The following ADAMTSL3 variants were observed in gnomAD, a reference collection of about 807,000 sequenced individuals.
The protein encoded by ADAMTSL3 is ADAMTS like 3.
A neutral mutation model predicts 201.7 loss-of-function variants in ADAMTSL3; 128 were observed. That is an observed-to-expected ratio of 0.63 (90% confidence interval 0.55 to 0.73). The LOEUF (loss-of-function observed/expected upper bound fraction) is 0.73, where lower values mean the gene tolerates loss of function less well. Among genes scored for constraint, ADAMTSL3 ranks in the 30% least tolerant of loss-of-function variants. The pLI is 0.00. For synonymous variants in ADAMTSL3, 738 were observed against 748.4 expected (o/e 0.99, Z 0.23); for missense variants, 1,990 against 2,119.6 (o/e 0.94, Z 1.20).
intron 16 of ADAMTSL3, among the ~76,000 whole-genome samples, chr15:83,920,770 C>G (rs2066127281): frequency 6.6e-6 from 1 of 152,142 alleles, no homozygotes; most frequent in South Asian, 2.1e-4. Flanking sequence ...GTGAGATGAA[C>G]TGGCATTTTC....
chr15:84,004,796 T>G (rs1303371993), intron 23 of ADAMTSL3, among the ~76,000 whole-genome samples: 1 of 152,144 alleles, frequency 6.6e-6, no homozygotes, highest in Non-Finnish European at 1.5e-5. Context: ...TCTTTAAGAA[T>G]GAGGAGAAAT....
At chr15:83,883,138 ATT>A (rs2065308637) in intron 9 of ADAMTSL3, among the ~76,000 whole-genome samples, 1 of 138,210 alleles carries the variant, frequency 7.2e-6, no homozygotes, top group Non-Finnish European at 1.5e-5. Context: ...TTATAATACT[ATT>A]TCTATTTTAT....
intron 28 of ADAMTSL3, 58 bp from the exon 29 acceptor site, chr15:84,036,715 G>T (rs2141950943): frequency 1.4e-6 from 2 of 1,431,646 alleles, no homozygotes; most frequent in East Asian, 2.4e-5. Flanking sequence ...CCAGCAAAAA[G>T]TTACACCCTG....
intron 2 of ADAMTSL3, among the ~76,000 whole-genome samples, chr15:83,660,764 G>T (rs893760549): frequency 6.6e-6 from 1 of 152,108 alleles, no homozygotes; most frequent in Admixed American, 6.5e-5. Flanking sequence ...TTCTTTTGCC[G>T]TGCAGAAGCT....
At chr15:83,786,037 T>A (rs1028556672) in intron 4 of ADAMTSL3, among the ~76,000 whole-genome samples, 2 of 152,156 alleles carry the variant, frequency 1.3e-5, no homozygotes, top group African/African-American at 4.8e-5. Flanking sequence ...AGATGGGGTT[T>A]CACCATGTTG....
At chr15:83,823,879 CCTTCTTCTTCTT>C (rs773566331) in intron 6 of ADAMTSL3, among the ~76,000 whole-genome samples, 1 of 141,578 alleles carries the variant, frequency 7.1e-6, no homozygotes, top group African/African-American at 2.8e-5. Context: ...GACTCCATTT[CCTTCTTCTTCTT>C]CCTCTTCTTC....
intron 20 of ADAMTSL3, among the ~76,000 whole-genome samples, chr15:83,978,178 C>T (rs752132383): frequency 6.6e-6 from 1 of 152,152 alleles, no homozygotes; most frequent in Non-Finnish European, 1.5e-5. Flanking sequence ...TGGCCTGGCA[C>T]CAGGACTTGA....
Position 83,654,346 on chromosome 15 carries a change from A to C in ADAMTSL3, c.-34+70A>C, listed in dbSNP as rs2061046874. On this transcript the variant is annotated intron_variant, in intron 1 of 29. Coordinates refer to ENST00000286744, the MANE Select transcript of ADAMTSL3 (RefSeq NM_207517.3). This position sits in a 1 kb window ranked among gnomAD's most constrained non-coding sequence, Gnocchi z 5.3. ...GGGAAGGCGCTCCCCAGAGGGAGTAAGACTTGGAGCAGTGGCCTCTCTAAG... is the reference window on the plus strand; with the variant it reads ...GGGAAGGCGCTCCCCAGAGGGAGTACGACTTGGAGCAGTGGCCTCTCTAAG... The C allele has an allele frequency of 6.6e-6, 1 of 152,352 alleles. No individual in the cohort carries two copies. Among genetic ancestry groups the C allele is most frequent in the African/African-American group, 2.4e-5 (1 of 41,372 alleles). 9.4% of individuals were successfully genotyped at this position (152,352 alleles called of 1,614,324 possible).
intron 15 of ADAMTSL3, among the ~76,000 whole-genome samples, chr15:83,903,441 A>T (rs563700013): frequency 6.6e-6 from 1 of 151,736 alleles, no homozygotes; most frequent in African/African-American, 2.4e-5. Context: ...ACTCCCTCCC[A>T]CTAGACTCTA....
chr15:83,756,420 CT>C (rs1482584612), intron 3 of ADAMTSL3, among the ~76,000 whole-genome samples: 1 of 152,144 alleles, frequency 6.6e-6, no homozygotes, highest in Non-Finnish European at 1.5e-5. Flanking sequence ...GGGGTACTCC[CT>C]TTTATAAAAC....
At chr15:83,767,823 C>G (rs984937154) in intron 3 of ADAMTSL3, among the ~76,000 whole-genome samples, 2 of 152,186 alleles carry the variant, frequency 1.3e-5, no homozygotes, top group African/African-American at 4.8e-5. Flanking sequence ...GACTCCAAGT[C>G]TGATTAGTTG....
At chr15:83,998,735 GGCC>G (rs1490843945) in intron 23 of ADAMTSL3, among the ~76,000 whole-genome samples, 1 of 152,168 alleles carries the variant, frequency 6.6e-6, no homozygotes, top group East Asian at 1.9e-4. Flanking sequence ...GCCTTGATCA[GGCC>G]CCTTCTTGCC....
At chr15:83,972,967 C>T (rs1223075777) in intron 20 of ADAMTSL3, among the ~76,000 whole-genome samples, 2 of 152,164 alleles carry the variant, frequency 1.3e-5, no homozygotes, top group Admixed American at 1.3e-4. Context: ...ACACTTAGCA[C>T]GTAGATTGCC....
chr15:83,692,104 CT>C (rs1012084680), intron 2 of ADAMTSL3, among the ~76,000 whole-genome samples: 20 of 147,580 alleles, frequency 1.4e-4, no homozygotes, highest in East Asian at 6.0e-4. Flanking sequence ...TTGCCTTCTT[CT>C]TTTTTTTTTC....
chr15:83,911,934 A>G (rs1251354188), intron 15 of ADAMTSL3, among the ~76,000 whole-genome samples: 2 of 152,224 alleles, frequency 1.3e-5, no homozygotes, highest in Non-Finnish European at 2.9e-5. Flanking sequence ...GATGCACGTA[A>G]TATTTCTCTC....
intron 19 of ADAMTSL3, among the ~76,000 whole-genome samples, chr15:83,947,238 A>G (rs1466320245): frequency 6.6e-6 from 1 of 152,178 alleles, no homozygotes; most frequent in African/African-American, 2.4e-5. Flanking sequence ...TCCACGTTGA[A>G]ACTGGCCACT....
chr15:83,830,772 C>T (rs2064138985), intron 6 of ADAMTSL3, among the ~76,000 whole-genome samples: 1 of 152,182 alleles, frequency 6.6e-6, no homozygotes, highest in South Asian at 2.1e-4. Flanking sequence ...GAATCCATTC[C>T]TTGCCTCTCT....
chr15:83,783,941 G>C (rs1199283005), intron 4 of ADAMTSL3, among the ~76,000 whole-genome samples: 2 of 151,816 alleles, frequency 1.3e-5, no homozygotes, highest in Non-Finnish European at 1.5e-5. Context: ...TGCAAATTCA[G>C]TTATGGCTGC....
At chr15:83,991,332 T>TA (rs555343222) in intron 23 of ADAMTSL3, 118 bp downstream of exon 23, 25 of 1,447,458 alleles carry the variant, frequency 1.7e-5, no homozygotes, top group South Asian at 2.6e-5. Context: ...CTGATAGGCT[T>TA]AAAAAAAAGA....
Sources: gnomAD v4.1 joint callset for allele counts (sites outside exome capture counted in the v4.1 genomes callset) on GRCh38, gnomAD v4.1.1 for gene constraint, Gnocchi (gnomAD v3.1) non-coding constraint, MANE v1.5 for transcripts, NCBI Gene and HGNC (gene_info 2026-07-23, HGNC 2026-07-21) for gene names.